The following OPCML variants were observed in gnomAD, a reference collection of about 807,000 sequenced individuals.
OPCML encodes opioid binding protein/cell adhesion molecule like.
OPCML carries 13 observed loss-of-function variants against 37.8 expected under a neutral mutation model. That is an observed-to-expected ratio of 0.34 (90% CI 0.22 to 0.55). The LOEUF is 0.55. Among genes scored for constraint, OPCML ranks in the 20% least tolerant of loss-of-function variants. The pLI is 0.91. For missense variants in OPCML, 341 were observed against 435.6 expected, an observed-to-expected ratio of 0.78 and a Z score of 1.93; for synonymous variants, 176 against 168.8, an observed-to-expected ratio of 1.04 and a Z score of -0.33.
chr11:133,430,252 G>C (rs1946089901), intron 1 of OPCML, among the ~76,000 whole-genome samples: 1 of 151,950 alleles, frequency 6.6e-6, no homozygotes, highest in Non-Finnish European at 1.5e-5. Context: ...AAACTACAAT[G>C]GGTTTTAAAA....
At chr11:133,530,132 C>T (rs558156939) in intron 1 of OPCML, among the ~76,000 whole-genome samples, 4 of 152,306 alleles carry the variant, frequency 2.6e-5, no homozygotes, top group African/African-American at 9.6e-5. Flanking sequence ...CGTTCATCCA[C>T]CATGCTCAGG....
intron 1 of OPCML, among the ~76,000 whole-genome samples, chr11:133,346,766 C>A (rs370739743): frequency 6.6e-6 from 1 of 152,134 alleles, no homozygotes; most frequent in South Asian, 2.1e-4. Flanking sequence ...TTAATTTAAC[C>A]TCTCTGAAAA....
intron 1 of OPCML, among the ~76,000 whole-genome samples, chr11:133,095,291 T>G (rs1216198091): frequency 4.1e-5 from 6 of 145,940 alleles, no homozygotes; most frequent in Admixed American, 1.4e-4. Flanking sequence ...TTTTTTTTTT[T>G]TTTTTTTTTT....
intron 4 of OPCML, among the ~76,000 whole-genome samples, chr11:132,444,250 G>C (rs997115537): frequency 6.6e-6 from 1 of 152,152 alleles, no homozygotes; most frequent in African/African-American, 2.4e-5. Flanking sequence ...GCCTCCCATG[G>C]GGGAGGCAAA....
At chr11:132,754,182 G>C (rs1945947541) in intron 2 of OPCML, among the ~76,000 whole-genome samples, 1 of 152,154 alleles carries the variant, frequency 6.6e-6, no homozygotes, top group Non-Finnish European at 1.5e-5. Context: ...AAGCCACAAA[G>C]ACTAATAAGG....
At chr11:132,815,491 A>G (rs1351255654) in intron 2 of OPCML, among the ~76,000 whole-genome samples, 2 of 152,194 alleles carry the variant, frequency 1.3e-5, no homozygotes, top group Non-Finnish European at 2.9e-5. Flanking sequence ...TAGCAAAGGA[A>G]TTTAAGGTCT....
Position 132,799,878 on chromosome 11 carries a change from G to A in OPCML, c.147-142559C>T, listed in dbSNP as rs118026414. On this transcript the variant is annotated intron_variant, in intron 2 of 7. Coordinates refer to ENST00000524381, the MANE Select transcript of OPCML (RefSeq NM_001012393.5). ...TGGATAGTGTGATTCCTCCAACTTAGTCACTTGTAAAGTTCATTTCGGCTA... is the reference window on the plus strand; with the variant it reads ...TGGATAGTGTGATTCCTCCAACTTAATCACTTGTAAAGTTCATTTCGGCTA... Among the ~76,000 whole-genome samples, 23 of 152,238 alleles carry A rather than the reference G, an allele frequency of 1.5e-4. No homozygotes were observed. In the East Asian group the frequency reaches 4.1e-3, roughly 27 times the overall value.
chr11:133,251,581 G>C (rs192579688), intron 1 of OPCML, among the ~76,000 whole-genome samples: 1 of 151,844 alleles, frequency 6.6e-6, no homozygotes, highest in Non-Finnish European at 1.5e-5. Flanking sequence ...TTTTTTTGGG[G>C]GGGGGAGGGG....
chr11:132,477,130 AT>A (rs1415364728), intron 4 of OPCML, among the ~76,000 whole-genome samples: 3 of 152,186 alleles, frequency 2.0e-5, no homozygotes, highest in Non-Finnish European at 4.4e-5. Flanking sequence ...GAGACCACAG[AT>A]AACAGAGTGC....
At chr11:132,809,939 T>C (rs1446602371) in intron 2 of OPCML, among the ~76,000 whole-genome samples, 1 of 152,160 alleles carries the variant, frequency 6.6e-6, no homozygotes, top group African/African-American at 2.4e-5. Context: ...AGGCTCCGCC[T>C]CCCGGGTTCA....
intron 1 of OPCML, among the ~76,000 whole-genome samples, chr11:132,974,957 C>A (rs1946424609): frequency 6.6e-6 from 1 of 151,688 alleles, no homozygotes; most frequent in Non-Finnish European, 1.5e-5. Context: ...TCTATAGCTT[C>A]AATTATTACC....
chr11:133,290,221 G>A (rs956395495), intron 1 of OPCML, among the ~76,000 whole-genome samples: 8 of 151,670 alleles, frequency 5.3e-5, no homozygotes, highest in African/African-American at 1.9e-4. Context: ...AGGTGTATCT[G>A]GGCACCCGTG....
chr11:132,584,741 A>G (rs2096468886), intron 3 of OPCML, among the ~76,000 whole-genome samples: 1 of 152,178 alleles, frequency 6.6e-6, no homozygotes, highest in Admixed American at 6.5e-5. Flanking sequence ...TAAAATAAAA[A>G]CTTTAGACAA....
chr11:132,727,941 G>A (rs1315957445), intron 2 of OPCML, among the ~76,000 whole-genome samples: 1 of 152,166 alleles, frequency 6.6e-6, no homozygotes, highest in African/African-American at 2.4e-5. Context: ...CTCCTCTGCC[G>A]GGTAAGCTGG....
intron 1 of OPCML, among the ~76,000 whole-genome samples, chr11:133,411,664 T>C (rs1391065196): frequency 6.6e-6 from 1 of 152,064 alleles, no homozygotes; most frequent in Non-Finnish European, 1.5e-5. Context: ...ACAACACACA[T>C]GAGAGGAGGG....
At chr11:133,140,985 A>C (rs141531194) in intron 1 of OPCML, among the ~76,000 whole-genome samples, 79 of 3,702 alleles carry the variant, frequency 0.021, 24 homozygotes, top group African/African-American at 0.036. Context: ...AAGAAGAAGA[A>C]GAAGAAGAAG....
intron 3 of OPCML, among the ~76,000 whole-genome samples, chr11:132,597,281 A>G (rs765272931): frequency 1.3e-5 from 2 of 152,232 alleles, no homozygotes; most frequent in Non-Finnish European, 2.9e-5. Context: ...GGTATTAAAT[A>G]ATGAAGACAT....
intron 1 of OPCML, among the ~76,000 whole-genome samples, chr11:133,201,192 C>A (rs1311544759): frequency 6.6e-6 from 1 of 152,060 alleles, no homozygotes; most frequent in Non-Finnish European, 1.5e-5. Context: ...ATGCTGATTA[C>A]CCAGGTGACA....
intron 1 of OPCML, among the ~76,000 whole-genome samples, chr11:133,126,446 T>C (rs1448100426): frequency 6.6e-6 from 1 of 152,146 alleles, no homozygotes; most frequent in Non-Finnish European, 1.5e-5. Context: ...TCACCAGCTA[T>C]CTGGCATCTT....
Sources: gnomAD v4.1 joint callset for allele counts (sites outside exome capture counted in the v4.1 genomes callset) on GRCh38, gnomAD v4.1.1 for gene constraint, MANE v1.5 for transcripts, NCBI Gene and HGNC (gene_info 2026-07-23, HGNC 2026-07-21) for gene names.